Variants in RBFOX1 observed in about 807,000 individuals in gnomAD.
The protein encoded by RBFOX1 is RNA binding fox-1 homolog 1.
RBFOX1 carries 8 observed loss-of-function variants against 57.7 expected under a neutral mutation model. That is an observed-to-expected ratio of 0.14 (90% CI 0.08 to 0.25). RBFOX1 has a LOEUF of 0.25. Ranked by LOEUF, RBFOX1 falls within the 10% of genes least tolerant of loss-of-function variation. RBFOX1 has a pLI of 1.00. For missense variants in RBFOX1, 611 were observed against 548.5 expected, an observed-to-expected ratio of 1.11 and a Z score of -1.14; for synonymous variants, 326 against 222.4, an observed-to-expected ratio of 1.47 and a Z score of -4.15.
intron 2 of RBFOX1, among the ~76,000 whole-genome samples, chr16:6,411,446 A>G (rs1285109540): frequency 2.6e-5 from 4 of 152,198 alleles, no homozygotes; most frequent in African/African-American, 7.2e-5. Flanking sequence ...CTATCTTCCA[A>G]TACAATTTTA....
Position 6,703,690 on chromosome 16 carries a change from C to T in RBFOX1, c.-16+49040C>T, listed in dbSNP as rs1568283991. 1.3e-5 allele frequency among the ~76,000 whole-genome samples: 2 copies of T among 151,900 alleles called. 1 individual carries two copies. The highest frequency in any genetic ancestry group is 4.2e-4 in the South Asian group (2 of 4,818). On this transcript the variant is annotated intron_variant, in intron 3 of 15. Coordinates refer to ENST00000550418, the MANE Select transcript of RBFOX1 (RefSeq NM_018723.4). ...CCACTGCACTCCAGCCTGGATGACA[C>T]AGTTAGACCCAGTTTCAAAAGAAAA...
rs149215524 is a variant in RBFOX1 at position 6,720,070 on chromosome 16, G to A, written c.-16+65420G>A. Among the ~76,000 whole-genome samples the A allele has an allele frequency of 4.5e-3, 686 of 151,884 alleles. 6 individuals carry two copies. Among genetic ancestry groups the A allele is most frequent in the African/African-American group, 0.016 (654 of 41,416 alleles). On this transcript the variant is annotated intron_variant, in intron 3 of 15. Transcript: ENST00000550418. Reference sequence around the variant, plus strand: ...GATCATGCCACTGCACTACACCCTGGGCGACAGTGTGAGACTCCATCTGAA... The same window carrying A: ...GATCATGCCACTGCACTACACCCTGAGCGACAGTGTGAGACTCCATCTGAA...
At chr16:5,249,736 A>T (rs930170978) in intron 1 of RBFOX1, among the ~76,000 whole-genome samples, 1 of 152,220 alleles carries the variant, frequency 6.6e-6, no homozygotes, top group Admixed American at 6.5e-5. Context: ...TTGGAGGTCA[A>T]GGTGGGCGGG....
chr16:6,789,048 A>G (rs1342983152), intron 3 of RBFOX1, among the ~76,000 whole-genome samples: 1 of 152,136 alleles, frequency 6.6e-6, no homozygotes, highest in African/African-American at 2.4e-5. Flanking sequence ...CTGTATAGAA[A>G]CATGGATGTC....
rs541753142 is a variant in RBFOX1 at position 5,532,785 on chromosome 16, T to C, written c.258+65531T>C. On this transcript the variant is annotated intron_variant, in intron 2 of 2. Transcript: ENST00000585867. ...CCAGGTCCTCCTGGATTGGGGTGAA[T>C]TGGGGTGGTGGGTTGTGAGGCAGAG... Among the ~76,000 whole-genome samples the C allele has an allele frequency of 1.8e-4, 28 of 152,142 alleles. No individual in the cohort carries two copies. In the South Asian group the frequency reaches 5.2e-3, roughly 28 times the overall value.
chr16:6,558,315 C>T (rs1260024797), intron 2 of RBFOX1, among the ~76,000 whole-genome samples: 1 of 152,132 alleles, frequency 6.6e-6, no homozygotes. Flanking sequence ...CCTTACAGAG[C>T]ATGTTGCCGC....
rs574092720 is a variant in RBFOX1 at position 6,518,538 on chromosome 16, CA to C, written c.-63-136061del. On this transcript the variant is annotated intron_variant, in intron 2 of 15. Transcript: ENST00000550418. Reference sequence around the variant, plus strand: ...GGGTCATGTAGATCTGATTCCAGTTCAAAATCATGCTCTGGCACCTCCTGTG... The same window carrying C: ...GGGTCATGTAGATCTGATTCCAGTTCAAATCATGCTCTGGCACCTCCTGTG... Among the ~76,000 whole-genome samples the C allele has an allele frequency of 2.0e-3, 304 of 152,164 alleles. 2 individuals carry two copies. Among genetic ancestry groups the C allele is most frequent in the Non-Finnish European group, 3.0e-3 (203 of 68,006 alleles).
In RBFOX1 at chr16:5,395,383, A is replaced by C. The variant is rs73520483; in HGVS notation, c.220-71833A>C. On this transcript the variant is annotated intron_variant, in intron 1 of 2. Transcript: ENST00000585867. ...TCTGTTGTAGGTGAGGGAGACCATGACTCCTAGAGAGGCCAGTGATGGGTT... is the reference window on the plus strand; with the variant it reads ...TCTGTTGTAGGTGAGGGAGACCATGCCTCCTAGAGAGGCCAGTGATGGGTT... Among the ~76,000 whole-genome samples the C allele has an allele frequency of 1.8e-3, 280 of 152,076 alleles. 1 individual carries two copies. The highest frequency in any genetic ancestry group is 6.7e-3 in the African/African-American group (276 of 41,480).
chr16:5,488,642 A>ACGG (rs2042725613), intron 2 of RBFOX1, among the ~76,000 whole-genome samples: 2 of 54,954 alleles, frequency 3.6e-5, no homozygotes, highest in Non-Finnish European at 9.4e-5. Context: ...TATAGTGATG[A>ACGG]TGGTGATGAT....
chr16:6,322,788 A>G (rs556443637), intron 2 of RBFOX1, among the ~76,000 whole-genome samples: 3 of 152,266 alleles, frequency 2.0e-5, no homozygotes, highest in Admixed American at 6.5e-5. Flanking sequence ...GGGAGAGAGA[A>G]TGAGAACAGG....
At chr16:6,840,321 G>C (rs2093388387) in intron 3 of RBFOX1, among the ~76,000 whole-genome samples, 1 of 152,190 alleles carries the variant, frequency 6.6e-6, no homozygotes, top group South Asian at 2.1e-4. Flanking sequence ...AGGGGCTGCA[G>C]GGCCGCCTCT....
chr16:6,450,153 C>G (rs1478051331), intron 2 of RBFOX1, among the ~76,000 whole-genome samples: 1 of 152,112 alleles, frequency 6.6e-6, no homozygotes, highest in African/African-American at 2.4e-5. Context: ...ATCCTGGCTT[C>G]CCTGTGTTTC....
At chr16:6,450,747 A>G (rs1333118337) in intron 2 of RBFOX1, among the ~76,000 whole-genome samples, 2 of 62,736 alleles carry the variant, frequency 3.2e-5, no homozygotes, top group Non-Finnish European at 6.3e-5. Flanking sequence ...AATTTTATAT[A>G]TATATACATA....
At chr16:7,080,112 A>G (rs2058967688) in intron 4 of RBFOX1, among the ~76,000 whole-genome samples, 1 of 148,358 alleles carries the variant, frequency 6.7e-6, no homozygotes, top group African/African-American at 2.5e-5. Context: ...TAAAACCACA[A>G]TTTAAAAAAG....
chr16:7,083,178 C>T (rs568599277), intron 4 of RBFOX1, among the ~76,000 whole-genome samples: 1 of 152,058 alleles, frequency 6.6e-6, no homozygotes, highest in African/African-American at 2.4e-5. Flanking sequence ...GCTGACACCC[C>T]CCGAGGGGAC....
chr16:7,499,843 T>C (rs753437865), intron 4 of RBFOX1, among the ~76,000 whole-genome samples: 3 of 151,866 alleles, frequency 2.0e-5, no homozygotes, highest in Non-Finnish European at 4.4e-5. Context: ...TATCCTAAGT[T>C]GCACACAATT....
chr16:5,728,345 A>G (rs532235110), intron 3 of RBFOX1, among the ~76,000 whole-genome samples: 3 of 152,326 alleles, frequency 2.0e-5, no homozygotes, highest in African/African-American at 7.2e-5. Context: ...CCTATTGTCA[A>G]AAGCTCTTAA....
intron 2 of RBFOX1, among the ~76,000 whole-genome samples, chr16:6,457,489 A>G (rs765808949): frequency 2.1e-5 from 3 of 144,308 alleles, no homozygotes; most frequent in Non-Finnish European, 4.5e-5. Context: ...TGTGCCTTCC[A>G]TGATACACTG....
intron 3 of RBFOX1, among the ~76,000 whole-genome samples, chr16:6,813,504 C>G (rs557886385): frequency 5.9e-5 from 9 of 152,140 alleles, no homozygotes; most frequent in Admixed American, 3.9e-4. Flanking sequence ...TTCCCCAGCC[C>G]TATGCTATGA....
Sources: gnomAD v4.1 joint callset for allele counts (sites outside exome capture counted in the v4.1 genomes callset) on GRCh38, gnomAD v4.1.1 for gene constraint, MANE v1.5 for transcripts, NCBI Gene and HGNC (gene_info 2026-07-23, HGNC 2026-07-21) for gene names.